The following PCDHGB3 variants were observed in gnomAD, a reference collection of about 807,000 sequenced individuals.
PCDHGB3 encodes the protein protocadherin gamma subfamily B, 3.
Under a neutral mutation model 59.2 loss-of-function variants are expected in PCDHGB3, and 40 were observed. The observed-to-expected ratio is 0.68, with a 90% CI of 0.52 to 0.88. The LOEUF (loss-of-function observed/expected upper bound fraction) is 0.88, where lower values mean the gene tolerates loss of function less well. Ranked by LOEUF, PCDHGB3 falls within the 40% of genes least tolerant of loss-of-function variation. PCDHGB3 has a pLI of 0.00. For missense variants in PCDHGB3, 1,309 were observed against 1,187.9 expected, an observed-to-expected ratio of 1.10 and a Z score of -1.50; for synonymous variants, 581 against 503.6, an observed-to-expected ratio of 1.15 and a Z score of -2.06.
chr5:141,472,980 C>CAAAAAAAAAAAAAAAAAAAAAAAAAAAA (rs60579131), intron 1 of PCDHGB3, among the ~76,000 whole-genome samples: 1 of 86,106 alleles, frequency 1.2e-5, no homozygotes, highest in Non-Finnish European at 2.5e-5. Flanking sequence ...GAGTGAAACT[C>CAAAAAAAAAAAAAAAAAAAAAAAAAAAA]AAAAAAAAAA....
At chr5:141,376,287 T>A in intron 1 of PCDHGB3, 1 of 1,614,228 alleles carries the variant, frequency 6.2e-7, no homozygotes, top group Non-Finnish European at 8.5e-7. Flanking sequence ...TTAGCGAGCA[T>A]GCCCGGCTCG....
At chr5:141,413,316 T>C (rs769316460) in intron 1 of PCDHGB3, 13 of 1,613,976 alleles carry the variant, frequency 8.1e-6, no homozygotes, top group Non-Finnish European at 1.1e-5. Flanking sequence ...AGAAAGGCTC[T>C]TTCGTGGGCA....
chr5:141,477,063 A>G lies in PCDHGB3; in HGVS notation c.2416-17744A>G, dbSNP rs2099404387. 6.2e-7 allele frequency: 1 copy of G among 1,614,248 alleles called. No individual in the cohort carries two copies. On this transcript the variant is annotated intron_variant, in intron 1 of 3. Coordinates refer to ENST00000576222, the MANE Select transcript of PCDHGB3 (RefSeq NM_018924.5). The surrounding 1 kb of genome is among the most constrained non-coding windows in gnomAD (Gnocchi z 4.9). Reference sequence around the variant, plus strand: ...GGTCGGCTGGACTTCGAGGACACCAAACTCCATGAGATTTACATCCAGGCC... The same window carrying G: ...GGTCGGCTGGACTTCGAGGACACCAGACTCCATGAGATTTACATCCAGGCC...
In PCDHGB3 at chr5:141,485,178, T is replaced by A; in HGVS notation, c.2416-9629T>A. The stretch of plus-strand genomic sequence containing the variant: ...GAGAATTAGCGGGCGGCAGCAATGC[T>A]CCGCAAGGTGAGAAGCTGGACAGAA... On this transcript the variant is annotated intron_variant, in intron 1 of 3. Transcript: ENST00000576222. This position sits in a 1 kb window ranked among gnomAD's most constrained non-coding sequence, Gnocchi z 5.7. 1.2e-6 allele frequency: 2 copies of A among 1,612,400 alleles called. No homozygotes were observed. Among genetic ancestry groups the A allele is most frequent in the Non-Finnish European group, 1.7e-6 (2 of 1,178,628 alleles).
At position 141,413,888 on chromosome 5, in the gene PCDHGB3, A is replaced by G. The variant is rs777389288; in HGVS notation, c.2415+41079A>G. On this transcript the variant is annotated intron_variant, in intron 1 of 3. Transcript: ENST00000576222. Reference sequence around the variant, plus strand: ...GTCCTTGTCAGTGTGACTGTCTTCGATGCAAATGACAACGCGCCGGTCTTC... The same window carrying G: ...GTCCTTGTCAGTGTGACTGTCTTCGGTGCAAATGACAACGCGCCGGTCTTC... The G allele has an allele frequency of 2.5e-5, 40 of 1,613,256 alleles. No individual in the cohort carries two copies. Among genetic ancestry groups the G allele is most frequent in the Non-Finnish European group, 3.4e-5 (40 of 1,179,886 alleles).
intron 1 of PCDHGB3, among the ~76,000 whole-genome samples, chr5:141,470,624 A>G (rs1421700811): frequency 6.6e-6 from 1 of 152,220 alleles, no homozygotes; most frequent in Non-Finnish European, 1.5e-5. Flanking sequence ...TCATGCTTAG[A>G]TAGGCCCCCT....
chr5:141,497,512 T>C (rs903352739), intron 2 of PCDHGB3, among the ~76,000 whole-genome samples: 2 of 151,896 alleles, frequency 1.3e-5, no homozygotes, highest in Admixed American at 1.3e-4. Flanking sequence ...TCTGCTTCCT[T>C]AGTTAACTTG....
At chr5:141,430,285 T>C (rs1456678142) in intron 1 of PCDHGB3, among the ~76,000 whole-genome samples, 18 of 151,710 alleles carry the variant, frequency 1.2e-4, no homozygotes, top group Admixed American at 1.2e-3. Flanking sequence ...GGAACAGTAA[T>C]CTCAAAGCAG....
intron 1 of PCDHGB3, among the ~76,000 whole-genome samples, chr5:141,445,929 A>G (rs1388363296): frequency 6.6e-6 from 1 of 152,208 alleles, no homozygotes; most frequent in Non-Finnish European, 1.5e-5. Context: ...AAGATATTTG[A>G]ATTATTAAGC....
rs553126235 is a variant in PCDHGB3 at position 141,473,346 on chromosome 5, G to A, written c.2416-21461G>A. Reference sequence around the variant, plus strand: ...AAGTGCCTGCTGTGCTAGACAGTGAGGATGCAAGTGGCCACCAAAATAGCA... The same window carrying A: ...AAGTGCCTGCTGTGCTAGACAGTGAAGATGCAAGTGGCCACCAAAATAGCA... On this transcript the variant is annotated intron_variant, in intron 1 of 3. Transcript: ENST00000576222. Among the ~76,000 whole-genome samples, 9 of 152,310 alleles carry A rather than the reference G, an allele frequency of 5.9e-5. No individual in the cohort carries two copies. The East Asian group carries it at 1.5e-3, about 26-fold the overall frequency.
chr5:141,466,090 C>A (rs983505253), intron 1 of PCDHGB3, among the ~76,000 whole-genome samples: 2 of 152,068 alleles, frequency 1.3e-5, no homozygotes, highest in African/African-American at 4.8e-5. Context: ...CCACTGCACT[C>A]CAGCCTGGGC....
At chr5:141,409,792 C>T in intron 1 of PCDHGB3, 1 of 1,612,068 alleles carries the variant, frequency 6.2e-7, no homozygotes, top group African/African-American at 1.3e-5. Flanking sequence ...CCTTCGCGCT[C>T]ACGCTGCAGG....
chr5:141,468,131 C>G (rs1006565854), intron 1 of PCDHGB3, among the ~76,000 whole-genome samples: 1 of 151,766 alleles, frequency 6.6e-6, no homozygotes, highest in African/African-American at 2.4e-5. Flanking sequence ...TTGAGACCAG[C>G]CTGGCCAACA....
chr5:141,491,802 G>C lies in PCDHGB3; in HGVS notation c.2416-3005G>C, dbSNP rs759587995. 1 of 1,497,480 alleles carries C rather than the reference G, an allele frequency of 6.7e-7. No homozygotes were observed. The highest frequency in any genetic ancestry group is 1.3e-5 in the South Asian group (1 of 74,938). The allele number at this position is 1,497,480 out of a possible 1,614,324, so 92.8% of individuals were successfully genotyped here. A position where few individuals can be genotyped will look rare whatever the true frequency, so the allele number is the denominator to read the frequency against. On this transcript the variant is annotated intron_variant, in intron 1 of 3. Coordinates refer to ENST00000576222, the MANE Select transcript of PCDHGB3 (RefSeq NM_018924.5). The surrounding 1 kb of genome is among the most constrained non-coding windows in gnomAD (Gnocchi z 6.9). ...ACTTGCATCCACTCCTCTCCGGCCG[G>C]CTTGGTCGCTGGCTGCGCTCCACCC...
intron 1 of PCDHGB3, among the ~76,000 whole-genome samples, chr5:141,439,557 A>C (rs766239185): frequency 1.2e-4 from 19 of 152,178 alleles, no homozygotes; most frequent in Non-Finnish European, 2.2e-4. Context: ...TTCAGGCTGC[A>C]GTTCTAGAGT....
intron 1 of PCDHGB3, chr5:141,403,598 G>T: frequency 6.2e-7 from 1 of 1,613,820 alleles, no homozygotes; most frequent in Non-Finnish European, 8.5e-7. Context: ...CACGGCCTCG[G>T]ATGGCGGCGA....
intron 2 of PCDHGB3, among the ~76,000 whole-genome samples, chr5:141,503,269 C>A (rs1161751693): frequency 6.6e-6 from 1 of 152,116 alleles, no homozygotes; most frequent in Non-Finnish European, 1.5e-5. Context: ...ACCCCAGCAC[C>A]TGGCTCTGTG....
intron 1 of PCDHGB3, chr5:141,418,214 G>A: frequency 6.2e-7 from 1 of 1,614,064 alleles, no homozygotes; most frequent in Non-Finnish European, 8.5e-7. Flanking sequence ...TATTTTTCAT[G>A]TCATTGTGGT....
intron 1 of PCDHGB3, chr5:141,421,335 G>A (rs2096564985): frequency 1.2e-6 from 2 of 1,613,944 alleles, no homozygotes; most frequent in Non-Finnish European, 8.5e-7. Context: ...GATATTCGGT[G>A]CCAGAAGAGA....
Sources: allele counts gnomAD v4.1 joint callset (sites outside exome capture counted in the v4.1 genomes callset), GRCh38; gene constraint gnomAD v4.1.1; non-coding constraint Gnocchi (gnomAD v3.1); transcripts MANE v1.5; gene names NCBI Gene and HGNC (gene_info 2026-07-23, HGNC 2026-07-21).